OSTC: variants seen among roughly 807,000 people sequenced by gnomAD.
The protein encoded by OSTC is oligosaccharyltransferase complex non-catalytic subunit, also known as oligosaccharyltransferase complex subunit OSTC.
A neutral mutation model predicts 16.4 loss-of-function variants in OSTC; 16 were observed. That is an observed-to-expected ratio of 0.98 (90% CI 0.66 to 1.49). The LOEUF is 1.49. Among genes scored for constraint, OSTC ranks in the 40% most tolerant of loss-of-function variants. The pLI is 0.00. For missense variants in OSTC, 139 were observed against 186.3 expected, an observed-to-expected ratio of 0.75 and a Z score of 1.48; for synonymous variants, 67 against 68.5, an observed-to-expected ratio of 0.98 and a Z score of 0.11.
chr4:108,654,020 C>G (rs2575646), intron 1 of OSTC, among the ~76,000 whole-genome samples: 122,951 of 152,108 alleles, frequency 0.81, 49,990 homozygotes, highest in East Asian at 1. Context: ...AAAGAAGAGG[C>G]CCAATAGAGA....
chr4:108,664,358 T>A (rs1022823624), intron 3 of OSTC, among the ~76,000 whole-genome samples: 5 of 152,174 alleles, frequency 3.3e-5, no homozygotes, highest in Admixed American at 2.6e-4. Context: ...AAGAAGTTAC[T>A]CCTAATGAGT....
In OSTC at chr4:108,655,422, C is replaced by T. The variant is rs193136172; in HGVS notation, c.140-142C>T. ...CGGAGTTTGGCAGTAAGCCAAGTGG[C>T]GCCACTGCACTCTCAACCTGGGCGA... On this transcript the variant is annotated intron_variant, in intron 1 of 3. Transcript: ENST00000361564. The T allele has an allele frequency of 1.9e-3, 940 of 490,940 alleles. 6 individuals carry two copies. Among genetic ancestry groups the T allele is most frequent in the African/African-American group, 0.016 (795 of 48,602 alleles). 30.4% of individuals were successfully genotyped at this position (490,940 alleles called of 1,614,324 possible).
rs891447414 is a variant in OSTC, at chr4:108,667,408, G to A, written c.*143G>A. On this transcript the variant is annotated 3_prime_UTR_variant, in exon 4 of 4. Coordinates refer to ENST00000361564, the MANE Select transcript of OSTC (RefSeq NM_021227.4). ...AATATCTAGTGAAAAAACAGGAAGC[G>A]TATTGAAGCTTGGACTAGAATTTCT... 47 of 610,030 alleles carry A rather than the reference G, an allele frequency of 7.7e-5. No individual in the cohort carries two copies. The highest frequency in any genetic ancestry group is 1.5e-4 in the Admixed American group (4 of 27,186). 37.8% of individuals were successfully genotyped at this position (610,030 alleles called of 1,614,324 possible).
intron 2 of OSTC, among the ~76,000 whole-genome samples, chr4:108,656,473 AAT>A (rs1447890060): frequency 1.3e-5 from 2 of 151,980 alleles, no homozygotes; most frequent in African/African-American, 2.4e-5. Flanking sequence ...AAAAAAAAAA[AAT>A]ACCCTGTTTA....
intron 3 of OSTC, chr4:108,663,311 A>G (rs1222749344): frequency 2.4e-6 from 1 of 425,322 alleles, no homozygotes; most frequent in Non-Finnish European, 4.7e-6. Context: ...TCCCAGGTAC[A>G]TACCATTCTC....
chr4:108,652,627 C>T (rs1238702906), intron 1 of OSTC, among the ~76,000 whole-genome samples: 4 of 152,188 alleles, frequency 2.6e-5, no homozygotes, highest in Non-Finnish European at 5.9e-5. Flanking sequence ...CGTTAAGTTT[C>T]AGGCACTAGG....
intron 3 of OSTC, among the ~76,000 whole-genome samples, chr4:108,662,416 A>G (rs1398946086): frequency 2.0e-5 from 3 of 152,216 alleles, no homozygotes; most frequent in African/African-American, 4.8e-5. Context: ...GTATGTAGCA[A>G]ATATTTATTT....
intron 1 of OSTC, 25 bp from the exon 2 acceptor site, chr4:108,655,539 A>T (rs1726678274): frequency 7.1e-7 from 1 of 1,399,356 alleles, no homozygotes; most frequent in African/African-American, 1.4e-5. Flanking sequence ...ATACAATCTA[A>T]TCTGTTCTGT....
At chr4:108,667,122 T>C in intron 3 of OSTC, 125 bp from the exon 4 acceptor site, 1 of 704,970 alleles carries the variant, frequency 1.4e-6, no homozygotes, top group Non-Finnish European at 2.3e-6. Flanking sequence ...AATCACGCAA[T>C]TATATTTTTG....
intron 1 of OSTC, among the ~76,000 whole-genome samples, chr4:108,655,346 G>T (rs569645180): frequency 2.0e-4 from 30 of 152,030 alleles, no homozygotes; most frequent in Non-Finnish European, 3.7e-4. Flanking sequence ...GGCGCCTGTA[G>T]TCCCAGCTAC....
chr4:108,657,370 C>T (rs1726736959), intron 2 of OSTC, 80 bp from the exon 3 acceptor site: 2 of 1,318,828 alleles, frequency 1.5e-6, no homozygotes, highest in Non-Finnish European at 2.1e-6. Flanking sequence ...TGTTTTGGCA[C>T]AAAAACGGAA....
intron 3 of OSTC, among the ~76,000 whole-genome samples, chr4:108,663,700 A>G (rs1416956318): frequency 1.3e-5 from 2 of 152,198 alleles, no homozygotes; most frequent in African/African-American, 4.8e-5. Flanking sequence ...TCCTTGTTTC[A>G]CACACCTTTT....
intron 3 of OSTC, among the ~76,000 whole-genome samples, chr4:108,662,966 A>G (rs1254986529): frequency 1.3e-5 from 2 of 152,232 alleles, no homozygotes; most frequent in Non-Finnish European, 2.9e-5. Context: ...GCCACTTAAT[A>G]GCTCTGAGAC....
intron 1 of OSTC, among the ~76,000 whole-genome samples, chr4:108,651,934 C>T (rs904186878): frequency 6.6e-6 from 1 of 152,132 alleles, no homozygotes; most frequent in African/African-American, 2.4e-5. Context: ...AACTTACGTT[C>T]ATTTAAATAA....
chr4:108,659,438 A>G (rs185595152), intron 3 of OSTC, among the ~76,000 whole-genome samples: 19 of 152,100 alleles, frequency 1.2e-4, no homozygotes, highest in African/African-American at 4.3e-4. Flanking sequence ...AAAAGACTGA[A>G]GTTTTCATTA....
rs7662299 is a variant in OSTC, at chr4:108,660,527, G to C, written c.431+2880G>C. Among the ~76,000 whole-genome samples, 567 of 152,144 alleles carry C rather than the reference G, an allele frequency of 3.7e-3. 3 individuals carry two copies. The highest frequency in any genetic ancestry group is 0.013 in the African/African-American group (537 of 41,492). On this transcript the variant is annotated intron_variant, in intron 3 of 3. Transcript: ENST00000361564. ...GTAGTTACTATCCCAGCAAGGAAAG[G>C]GTGTATCTTTCTTCTTTCATGCAAA...
chr4:108,664,936 G>A (rs1726956224), intron 3 of OSTC, among the ~76,000 whole-genome samples: 1 of 152,156 alleles, frequency 6.6e-6, no homozygotes, highest in South Asian at 2.1e-4. Context: ...GGATTTGGGA[G>A]GAGGTGAGAA....
chr4:108,665,780 G>A (rs1052859698), intron 3 of OSTC, among the ~76,000 whole-genome samples: 1 of 151,810 alleles, frequency 6.6e-6, no homozygotes, highest in Admixed American at 6.6e-5. Context: ...GGCTGGTCTC[G>A]AACTCCTGAC....
rs1456368596 is a variant in OSTC at position 108,655,594 on chromosome 4, C to T, written c.170C>T (p.Pro57Leu). The T allele has an allele frequency of 1.2e-6, 2 of 1,606,580 alleles. No homozygotes were observed. Among genetic ancestry groups the T allele is most frequent in the Non-Finnish European group, 1.7e-6 (2 of 1,173,968 alleles). The change falls in exon 2 of 4, where the codon CCA (proline) becomes CTA (leucine). Residue 57 changes from proline to leucine, a missense_variant. By Grantham distance (98) the Pro-to-Leu change is moderately conservative. Transcript: ENST00000361564. ...GIIYDVIVEP[P>L]SVGSMTDEHG... ...ATTTATGATGTTATTGTTGAACCTC[C>T]AAGTGTCGGTTCTATGACTGATGAA...
Sources: gnomAD v4.1 joint callset for allele counts (sites outside exome capture counted in the v4.1 genomes callset) on GRCh38, gnomAD v4.1.1 for gene constraint, MANE v1.5 for transcripts, NCBI Gene and HGNC (gene_info 2026-07-23, HGNC 2026-07-21) for gene names.